The following PLPPR5 variants were observed in gnomAD, a reference collection of about 807,000 sequenced individuals.
The protein encoded by PLPPR5 is phospholipid phosphatase related 5, also known as phospholipid phosphatase-related protein type 5.
PLPPR5 carries 16 observed loss-of-function variants against 33.9 expected under a neutral mutation model. That is an observed-to-expected ratio of 0.47 (90% CI 0.32 to 0.72). The LOEUF (loss-of-function observed/expected upper bound fraction) is 0.72, where lower values mean the gene tolerates loss of function less well. Among genes scored for constraint, PLPPR5 ranks in the 30% least tolerant of loss-of-function variants. The pLI is 0.03. For synonymous variants in PLPPR5, 163 were observed against 150.3 expected (o/e 1.08, Z -0.62); for missense variants, 301 against 406.7 (o/e 0.74, Z 2.23).
chr1:99,005,426 C>G (rs1302724514), upstream of PLPPR5, among the ~76,000 whole-genome samples: 1 of 152,156 alleles, frequency 6.6e-6, no homozygotes, highest in Non-Finnish European at 1.5e-5. Context: ...TTAGAAAAAT[C>G]TCAGCGAGGT....
chr1:98,968,818 A>G (rs1651544864), intron 1 of PLPPR5, among the ~76,000 whole-genome samples: 1 of 152,110 alleles, frequency 6.6e-6, no homozygotes, highest in Admixed American at 6.6e-5. Context: ...TAAGGACACA[A>G]TGGCACAGAG....
chr1:98,961,523 C>T (rs1384087062), intron 1 of PLPPR5, among the ~76,000 whole-genome samples: 7 of 152,156 alleles, frequency 4.6e-5, no homozygotes, highest in Non-Finnish European at 8.8e-5. Context: ...TTAACAATAG[C>T]AATGTCGCTA....
intron 1 of PLPPR5, among the ~76,000 whole-genome samples, chr1:98,962,617 A>T (rs1651287394): frequency 6.6e-6 from 1 of 152,010 alleles, no homozygotes. Context: ...AGATTGGTTT[A>T]TTGAAAGCAA....
intron 4 of PLPPR5, among the ~76,000 whole-genome samples, chr1:98,915,204 C>T (rs937927273): frequency 6.6e-6 from 1 of 152,060 alleles, no homozygotes. Flanking sequence ...TTCATTACAT[C>T]GAAGTATAGT....
intron 4 of PLPPR5, among the ~76,000 whole-genome samples, chr1:98,918,741 A>G (rs1461006900): frequency 1.3e-5 from 2 of 152,138 alleles, no homozygotes; most frequent in Admixed American, 6.6e-5. Flanking sequence ...AAACGTGAAG[A>G]CCGTGGTATT....
intron 3 of PLPPR5, among the ~76,000 whole-genome samples, chr1:98,924,352 G>C (rs1377467182): frequency 6.6e-6 from 1 of 152,156 alleles, no homozygotes; most frequent in Non-Finnish European, 1.5e-5. Context: ...GGAAAGTAGA[G>C]GGAAGGCACT....
chr1:98,941,707 A>T lies in PLPPR5; in HGVS notation c.621+11363T>A, dbSNP rs1344280980. On this transcript the variant is annotated intron_variant, in intron 3 of 5. Coordinates refer to ENST00000263177, the MANE Select transcript of PLPPR5 (RefSeq NM_001037317.2). ...AAAGCAGTAAATACACTGTACATAA[A>T]GTATTTAGCACAGTAAGAACTCAAT... Among the ~76,000 whole-genome samples the T allele has an allele frequency of 5.3e-5, 8 of 151,828 alleles. No individual in the cohort carries two copies. The East Asian group carries it at 1.4e-3, about 26-fold the overall frequency.
intron 1 of PLPPR5, among the ~76,000 whole-genome samples, chr1:98,965,049 G>A (rs1651386480): frequency 7.0e-6 from 1 of 143,342 alleles, no homozygotes; most frequent in Admixed American, 7.2e-5. Flanking sequence ...TTGGGCTTAT[G>A]CAGTCCGCCC....
At chr1:98,893,504 T>C (rs1648358362) in intron 5 of PLPPR5, among the ~76,000 whole-genome samples, 2 of 151,906 alleles carry the variant, frequency 1.3e-5, no homozygotes, top group Non-Finnish European at 2.9e-5. Context: ...CAGACTAAAA[T>C]GGCATTTGCT....
intron 1 of PLPPR5, among the ~76,000 whole-genome samples, chr1:98,977,609 A>G (rs1169078792): frequency 6.6e-6 from 1 of 150,738 alleles, no homozygotes; most frequent in East Asian, 2.0e-4. Context: ...GAAGGCAGCA[A>G]GTTCAATACA....
At chr1:98,938,673 T>C (rs1391283425) in intron 3 of PLPPR5, among the ~76,000 whole-genome samples, 5 of 151,840 alleles carry the variant, frequency 3.3e-5, no homozygotes, top group Non-Finnish European at 7.4e-5. Context: ...TATGGGCTCA[T>C]AAAAGAAGAT....
chr1:98,924,863 G>A (rs938795161), intron 3 of PLPPR5, among the ~76,000 whole-genome samples: 1 of 152,206 alleles, frequency 6.6e-6, no homozygotes, highest in Non-Finnish European at 1.5e-5. Context: ...CCCTCCATCA[G>A]AGTGGAGAGT....
chr1:98,993,309 T>C (rs915466717), intron 1 of PLPPR5, among the ~76,000 whole-genome samples: 1 of 151,946 alleles, frequency 6.6e-6, no homozygotes, highest in African/African-American at 2.4e-5. Flanking sequence ...TTTCCAAAAA[T>C]GGGATGACAG....
intron 1 of PLPPR5, among the ~76,000 whole-genome samples, chr1:99,003,056 C>CACAT: frequency 1.2e-5 from 1 of 81,120 alleles, no homozygotes; most frequent in Admixed American, 1.4e-4. Context: ...ACTTATTTTA[C>CACAT]ATATATATAT....
At chr1:98,956,870 A>C (rs1557683172) in intron 1 of PLPPR5, 129 bp from the exon 2 acceptor site, 2 of 694,480 alleles carry the variant, frequency 2.9e-6, no homozygotes, top group African/African-American at 3.7e-5. Flanking sequence ...CAGAGCCATA[A>C]TCGATTTCCT....
At chr1:98,926,766 G>C (rs1057312775) in intron 3 of PLPPR5, among the ~76,000 whole-genome samples, 9 of 152,140 alleles carry the variant, frequency 5.9e-5, no homozygotes, top group Admixed American at 2.0e-4. Context: ...TAACAAGACA[G>C]CATCAAGGAC....
chr1:98,909,732 A>G (rs2101146156), intron 5 of PLPPR5, among the ~76,000 whole-genome samples: 1 of 152,252 alleles, frequency 6.6e-6, no homozygotes, highest in South Asian at 2.1e-4. Flanking sequence ...CTACACTACA[A>G]TGCACTGGAT....
At chr1:98,937,624 G>A (rs1020037300) in intron 3 of PLPPR5, among the ~76,000 whole-genome samples, 2 of 152,172 alleles carry the variant, frequency 1.3e-5, no homozygotes, top group African/African-American at 4.8e-5. Flanking sequence ...GTGCAGTAAG[G>A]TGAATGAACA....
At chr1:98,997,706 G>A (rs910396974) in intron 1 of PLPPR5, among the ~76,000 whole-genome samples, 2 of 152,190 alleles carry the variant, frequency 1.3e-5, no homozygotes, top group African/African-American at 2.4e-5. Context: ...GACTAAGGCT[G>A]GCAAAGTAGT....
Sources: allele counts gnomAD v4.1 joint callset (sites outside exome capture counted in the v4.1 genomes callset), GRCh38; gene constraint gnomAD v4.1.1; transcripts MANE v1.5; gene names NCBI Gene and HGNC (gene_info 2026-07-23, HGNC 2026-07-21).